The following CNTNAP2 variants were observed in gnomAD, a reference collection of about 807,000 sequenced individuals.
CNTNAP2 encodes contactin associated protein 2.
In CNTNAP2, 98 loss-of-function variants were observed where a neutral mutation model predicts 155.2. The observed-to-expected ratio is 0.63, with a 90% CI of 0.54 to 0.75. CNTNAP2 has a LOEUF of 0.75. Among genes scored for constraint, CNTNAP2 ranks in the 30% least tolerant of loss-of-function variants. The pLI is 0.00. For missense variants in CNTNAP2, 1,727 were observed against 1,688.1 expected (o/e 1.02, Z -0.40); for synonymous variants, 651 against 631.2 (o/e 1.03, Z -0.47).
chr7:146,165,135 C>G (rs1798293513), intron 1 of CNTNAP2, among the ~76,000 whole-genome samples: 1 of 150,430 alleles, frequency 6.6e-6, no homozygotes, highest in South Asian at 2.1e-4. Context: ...TTTGGGTAAA[C>G]TTTTCTTTTC....
At chr7:147,176,393 C>A (rs1171388473) in intron 8 of CNTNAP2, among the ~76,000 whole-genome samples, 1 of 151,900 alleles carries the variant, frequency 6.6e-6, no homozygotes, top group Non-Finnish European at 1.5e-5. Flanking sequence ...TTTAATCAAC[C>A]TTTAAACAGA....
chr7:147,573,024 C>T (rs1384588796), intron 12 of CNTNAP2, among the ~76,000 whole-genome samples: 1 of 152,098 alleles, frequency 6.6e-6, no homozygotes, highest in African/African-American at 2.4e-5. Context: ...TGTCCAATCA[C>T]CACAACCAAG....
At chr7:146,342,321 G>T (rs1048168913) in intron 1 of CNTNAP2, among the ~76,000 whole-genome samples, 1 of 152,040 alleles carries the variant, frequency 6.6e-6, no homozygotes, top group Non-Finnish European at 1.5e-5. Context: ...TTGACTGCTC[G>T]TACATAATTG....
intron 21 of CNTNAP2, among the ~76,000 whole-genome samples, chr7:148,352,894 C>T (rs942682576): frequency 6.6e-6 from 1 of 152,194 alleles, no homozygotes; most frequent in African/African-American, 2.4e-5. Context: ...GAACAAGTTC[C>T]CTTCTTTACC....
At chr7:147,832,322 CATTATCTAT>C (rs1563104427) in intron 13 of CNTNAP2, among the ~76,000 whole-genome samples, 1 of 142,154 alleles carries the variant, frequency 7.0e-6, no homozygotes, top group Non-Finnish European at 1.5e-5. Flanking sequence ...AATATAGATC[CATTATCTAT>C]ATTTATACAT....
intron 3 of CNTNAP2, among the ~76,000 whole-genome samples, chr7:147,026,250 G>A (rs930581070): frequency 6.6e-6 from 1 of 152,166 alleles, no homozygotes; most frequent in Non-Finnish European, 1.5e-5. Context: ...ACGTATGAAA[G>A]CATTATAATG....
intron 15 of CNTNAP2, among the ~76,000 whole-genome samples, chr7:148,039,288 TG>T (rs1029784915): frequency 6.6e-6 from 1 of 151,818 alleles, no homozygotes; most frequent in Non-Finnish European, 1.5e-5. Flanking sequence ...AGAAGGAGAG[TG>T]TCAGCGCTCT....
intron 13 of CNTNAP2, among the ~76,000 whole-genome samples, chr7:147,700,710 A>T (rs928746185): frequency 3.3e-5 from 5 of 152,210 alleles, no homozygotes; most frequent in Non-Finnish European, 7.3e-5. Context: ...TACTGAAGAA[A>T]GTGCCAGCCT....
chr7:148,145,977 G>A (rs1443738441), intron 16 of CNTNAP2, among the ~76,000 whole-genome samples: 1 of 152,208 alleles, frequency 6.6e-6, no homozygotes, highest in Non-Finnish European at 1.5e-5. Flanking sequence ...ATTGAGCTCT[G>A]TGTCTAATAT....
chr7:148,138,337 G>A (rs1158721854), intron 16 of CNTNAP2, among the ~76,000 whole-genome samples: 1 of 152,144 alleles, frequency 6.6e-6, no homozygotes, highest in East Asian at 1.9e-4. Flanking sequence ...GTTGAAACTT[G>A]TCAGCTTTTC....
At chr7:146,488,212 C>A (rs1797085017) in intron 1 of CNTNAP2, among the ~76,000 whole-genome samples, 1 of 151,662 alleles carries the variant, frequency 6.6e-6, no homozygotes. Context: ...TCCACTGCTA[C>A]AAACCCTCCA....
At chr7:146,228,351 T>A (rs1263597887) in intron 1 of CNTNAP2, among the ~76,000 whole-genome samples, 1 of 152,210 alleles carries the variant, frequency 6.6e-6, no homozygotes, top group Non-Finnish European at 1.5e-5. Flanking sequence ...GCTGCATAAT[T>A]TCGGCAAGTC....
intron 1 of CNTNAP2, among the ~76,000 whole-genome samples, chr7:146,592,851 T>A (rs1386124923): frequency 6.6e-6 from 1 of 152,102 alleles, no homozygotes; most frequent in African/African-American, 2.4e-5. Flanking sequence ...AGTCCAGTGG[T>A]GGCAGGCTGG....
intron 5 of CNTNAP2, among the ~76,000 whole-genome samples, chr7:147,120,096 A>G (rs1419720380): frequency 6.6e-6 from 1 of 152,206 alleles, no homozygotes; most frequent in East Asian, 1.9e-4. Context: ...TTAAAAGATA[A>G]CAAGTAAATT....
At chr7:147,515,726 A>G (rs851833) in intron 11 of CNTNAP2, among the ~76,000 whole-genome samples, 116,180 of 152,088 alleles carry the variant, frequency 0.76, 44,892 homozygotes, top group African/African-American at 0.89. Flanking sequence ...TTACCTGTCT[A>G]TTATGTTTAT....
intron 3 of CNTNAP2, among the ~76,000 whole-genome samples, chr7:146,865,787 A>G (rs1179082568): frequency 6.6e-6 from 1 of 152,168 alleles, no homozygotes. Flanking sequence ...GAGAAATCAA[A>G]ATCTTCTATT....
chr7:146,546,731 A>T (rs1055016650), intron 1 of CNTNAP2, among the ~76,000 whole-genome samples: 2 of 151,864 alleles, frequency 1.3e-5, no homozygotes, highest in African/African-American at 4.8e-5. Flanking sequence ...GTGAAGGAGG[A>T]GCAAAAGCAC....
intron 1 of CNTNAP2, among the ~76,000 whole-genome samples, chr7:146,182,540 C>CT (rs935911150): frequency 1.2e-4 from 18 of 152,074 alleles, no homozygotes; most frequent in Non-Finnish European, 1.9e-4. Context: ...CTCATGAGTT[C>CT]TTTTTTTCAC....
chr7:146,511,679 C>A (rs73464768), intron 1 of CNTNAP2, among the ~76,000 whole-genome samples: 175 of 152,166 alleles, frequency 1.2e-3, no homozygotes, highest in African/African-American at 4.0e-3. Flanking sequence ...ATTATGTTTG[C>A]TAGTATTTTG....
Sources: gnomAD v4.1 joint callset for allele counts (sites outside exome capture counted in the v4.1 genomes callset) on GRCh38, gnomAD v4.1.1 for gene constraint, MANE v1.5 for transcripts, NCBI Gene and HGNC (gene_info 2026-07-23, HGNC 2026-07-21) for gene names.